TECPR2: variants seen among roughly 807,000 people sequenced by gnomAD.
TECPR2 encodes the protein tectonin beta-propeller repeat-containing protein 2.
A neutral mutation model predicts 138.1 loss-of-function variants in TECPR2; 65 were observed. The observed-to-expected ratio is 0.47, with a 90% CI of 0.39 to 0.58. The LOEUF (loss-of-function observed/expected upper bound fraction) is 0.58, where lower values mean the gene tolerates loss of function less well. Ranked by LOEUF, TECPR2 falls within the 20% of genes least tolerant of loss-of-function variation. TECPR2 has a pLI of 0.00. For missense variants in TECPR2, 1,553 were observed against 1,824.5 expected, an observed-to-expected ratio of 0.85 and a Z score of 2.71; for synonymous variants, 746 against 749.8, an observed-to-expected ratio of 0.99 and a Z score of 0.08.
chr14:102,399,018 T>G (rs530141975), intron 2 of TECPR2, among the ~76,000 whole-genome samples: 1 of 152,294 alleles, frequency 6.6e-6, no homozygotes, highest in South Asian at 2.1e-4. Context: ...ATCCCAGCAC[T>G]TTGGGAGGCT....
chr14:102,389,303 G>T (rs940077655), intron 2 of TECPR2, among the ~76,000 whole-genome samples: 9 of 152,168 alleles, frequency 5.9e-5, no homozygotes, highest in Non-Finnish European at 1.3e-4. Flanking sequence ...TCCAGCCTGG[G>T]TGACAGAGCA....
At chr14:102,399,448 C>T (rs1056105059) in intron 2 of TECPR2, among the ~76,000 whole-genome samples, 2 of 151,990 alleles carry the variant, frequency 1.3e-5, no homozygotes, top group Non-Finnish European at 2.9e-5. Context: ...GTTCATTAGC[C>T]ACAAGACCTG....
chr14:102,366,381 C>G (rs1343127601), intron 1 of TECPR2, among the ~76,000 whole-genome samples: 2 of 152,170 alleles, frequency 1.3e-5, no homozygotes, highest in Non-Finnish European at 2.9e-5. Flanking sequence ...AAATATCACT[C>G]TGTCACCCAG....
At position 102,498,186 on chromosome 14, in the gene TECPR2, G is replaced by A. The variant is rs1337891400; in HGVS notation, c.4165G>A (p.Gly1389Ser). The A allele has an allele frequency of 1.4e-5, 22 of 1,611,142 alleles. No individual in the cohort carries two copies. Among genetic ancestry groups the A allele is most frequent in the Admixed American group, 3.3e-5 (2 of 60,004 alleles). ...GACAAAGACGTTCAGCCACTCGCAC[G>A]GCACCCAGAAGAGCAGCCAGGCCGC... is the stretch of plus-strand genomic sequence containing the variant. ...RLTKTFSHSH[G>S]TQKSSQAAMP... The change falls in exon 20 of 20, where the codon GGC becomes AGC. Residue 1389 changes from glycine to serine, a missense_variant. Transcript: ENST00000359520.
rs764289556 is a variant in TECPR2, at chr14:102,434,896, C to G, written c.2079C>G (p.Leu693=). Residue 693 remains leucine (L), a synonymous_variant, in exon 9 of 20, where the codon CTC becomes CTG. Coordinates refer to ENST00000359520, the MANE Select transcript of TECPR2 (RefSeq NM_014844.5). ...ILTSMEASGH[L]STNLWHAVTD... ...CCAGCATGGAGGCCTCTGGCCACCT[C>G]AGCACAAATCTCTGGCATGCTGTCA... 6 of 1,613,668 alleles carry G rather than the reference C, an allele frequency of 3.7e-6. No homozygotes were observed. In the East Asian group the frequency reaches 1.3e-4, roughly 36 times the overall value.
Position 102,363,082 on chromosome 14 carries a change from C to G in TECPR2, c.-107C>G. Reference sequence around the variant, plus strand: ...GTCCATCCCGCCTCCTCCGGCCCGGCGGGGCCGACGAGTCCGGAGGGGCTG... The same window carrying G: ...GTCCATCCCGCCTCCTCCGGCCCGGGGGGGCCGACGAGTCCGGAGGGGCTG... On this transcript the variant is annotated 5_prime_UTR_variant, in exon 1 of 20. Coordinates refer to ENST00000359520, the MANE Select transcript of TECPR2 (RefSeq NM_014844.5). The G allele has an allele frequency of 2.1e-6, 1 of 481,150 alleles. No individual in the cohort carries two copies. 29.8% of individuals were successfully genotyped at this position (481,150 alleles called of 1,614,324 possible).
intron 2 of TECPR2, among the ~76,000 whole-genome samples, chr14:102,397,168 C>G (rs1427850465): frequency 6.6e-6 from 1 of 152,134 alleles, no homozygotes; most frequent in East Asian, 1.9e-4. Context: ...CAAGACTGAT[C>G]TTTGGCACAG....
At chr14:102,439,324 C>G (rs1889768142) in intron 10 of TECPR2, among the ~76,000 whole-genome samples, 3 of 152,170 alleles carry the variant, frequency 2.0e-5, no homozygotes, top group Admixed American at 1.3e-4. Context: ...TTCTCTGTAA[C>G]TTCACTGTGT....
intron 2 of TECPR2, among the ~76,000 whole-genome samples, chr14:102,402,021 AAAAT>A (rs1367765323): frequency 1.3e-5 from 2 of 152,174 alleles, no homozygotes; most frequent in Non-Finnish European, 2.9e-5. Context: ...AATGGATAGA[AAAAT>A]AAAGAAACTT....
At chr14:102,411,733 A>AAAAAACATT (rs1888876660) in intron 4 of TECPR2, among the ~76,000 whole-genome samples, 1 of 128,432 alleles carries the variant, frequency 7.8e-6, no homozygotes, top group Non-Finnish European at 1.7e-5. Context: ...AAAAAAAAAG[A>AAAAAACATT]AGATGGCTGG....
chr14:102,476,656 G>GA (rs1890771990), intron 17 of TECPR2, among the ~76,000 whole-genome samples: 1 of 151,996 alleles, frequency 6.6e-6, no homozygotes, highest in African/African-American at 2.4e-5. Context: ...AGGGTGACAG[G>GA]AAAAAAAGAT....
At chr14:102,381,737 T>C (rs1887826659) in intron 2 of TECPR2, among the ~76,000 whole-genome samples, 2 of 152,224 alleles carry the variant, frequency 1.3e-5, no homozygotes, top group Admixed American at 6.5e-5. Context: ...TGAAGTTCTT[T>C]AGACAGAAGG....
At chr14:102,483,010 A>ATT (rs779947458) in intron 17 of TECPR2, among the ~76,000 whole-genome samples, 2 of 140,858 alleles carry the variant, frequency 1.4e-5, no homozygotes, top group African/African-American at 5.2e-5. Flanking sequence ...CGCCTGGCTA[A>ATT]TTTTTTTTTT....
At position 102,497,671 on chromosome 14, in the gene TECPR2, G is replaced by C. The variant is rs77170608; in HGVS notation, c.4033G>C (p.Ala1345Pro). The part of the protein sequence containing the change: ...RRYGVTDKNP[A>P]GDYWKKIPGS... ...GTACGGCGTCACAGACAAGAACCCC[G>C]CCGGGGACTACTGGAAGAAAATTCC... Residue 1345 changes from alanine to proline, a missense_variant, in exon 19 of 20, where the codon GCC becomes CCC. Physicochemically the swap from Ala to Pro is conservative, Grantham distance 27. Coordinates refer to ENST00000359520, the MANE Select transcript of TECPR2 (RefSeq NM_014844.5). 3 of 1,608,778 alleles carry C rather than the reference G, an allele frequency of 1.9e-6. No homozygotes were observed. Among genetic ancestry groups the C allele is most frequent in the Admixed American group, 1.7e-5 (1 of 59,592 alleles).
chr14:102,388,841 G>A (rs1888090777), intron 2 of TECPR2, among the ~76,000 whole-genome samples: 1 of 151,990 alleles, frequency 6.6e-6, no homozygotes, highest in South Asian at 2.1e-4. Context: ...GGCACCTGTA[G>A]TCCCAGCTAC....
intron 4 of TECPR2, among the ~76,000 whole-genome samples, chr14:102,414,094 A>G (rs896571086): frequency 2.0e-5 from 3 of 152,136 alleles, no homozygotes; most frequent in Admixed American, 6.6e-5. Context: ...TCTGTTTTCT[A>G]TTACCCTTTC....
chr14:102,406,121 A>G (rs1595105979), intron 2 of TECPR2, among the ~76,000 whole-genome samples: 2 of 152,218 alleles, frequency 1.3e-5, no homozygotes, highest in Non-Finnish European at 2.9e-5. Context: ...TCAGTTTTAC[A>G]AGATTAAATA....
intron 5 of TECPR2, among the ~76,000 whole-genome samples, chr14:102,424,546 G>A (rs1889263454): frequency 6.6e-6 from 1 of 152,226 alleles, no homozygotes; most frequent in African/African-American, 2.4e-5. Flanking sequence ...TGTTGGCCAG[G>A]CTAGTCTCAA....
chr14:102,475,680 C>T (rs1428243773), intron 17 of TECPR2, among the ~76,000 whole-genome samples: 1 of 152,052 alleles, frequency 6.6e-6, no homozygotes, highest in Non-Finnish European at 1.5e-5. Flanking sequence ...GCAAAAATAT[C>T]CAACATCAGC....
Sources: allele counts gnomAD v4.1 joint callset (sites outside exome capture counted in the v4.1 genomes callset), GRCh38; gene constraint gnomAD v4.1.1; transcripts MANE v1.5; gene names NCBI Gene and HGNC (gene_info 2026-07-23, HGNC 2026-07-21).